The following UGT1A9 variants were observed in gnomAD, a reference collection of about 807,000 sequenced individuals.
The protein encoded by UGT1A9 is UDP-glucuronosyltransferase 1A9.
UGT1A9 carries 35 observed loss-of-function variants against 45.0 expected under a neutral mutation model. The observed-to-expected ratio is 0.78, with a 90% CI of 0.59 to 1.03. UGT1A9 has a LOEUF of 1.03. Among genes scored for constraint, UGT1A9 ranks in the 50% least tolerant of loss-of-function variants. The probability of loss-of-function intolerance (pLI) is 0.00; values close to 1 mark genes in which losing one functional copy is unlikely to be tolerated. For missense variants in UGT1A9, 687 were observed against 666.6 expected (o/e 1.03, Z -0.34); for synonymous variants, 278 against 250.6 (o/e 1.11, Z -1.03).
chr2:233,744,032 T>C, intron 1 of UGT1A9: 1 of 835,228 alleles, frequency 1.2e-6, no homozygotes, highest in African/African-American at 1.8e-5. Context: ...ACGCCCCTTA[T>C]GACGCAGCCA....
chr2:233,695,150 A>G (rs1323101502), intron 1 of UGT1A9, among the ~76,000 whole-genome samples: 1 of 73,630 alleles, frequency 1.4e-5, no homozygotes, highest in African/African-American at 5.6e-5. Flanking sequence ...TTTTTGAGAC[A>G]GAGTCTCACT....
intron 1 of UGT1A9, among the ~76,000 whole-genome samples, chr2:233,737,749 T>C (rs1235645192): frequency 6.6e-6 from 1 of 152,308 alleles, no homozygotes; most frequent in South Asian, 2.1e-4. Context: ...CTTCCAGTTT[T>C]TCAATGTGAA....
rs377204506 is a variant in UGT1A9 at position 233,718,901 on chromosome 2, G to C, written c.855+46112G>C. ...TCCTCAGTGTCCAGCCCTGGGCTGAGAGTGGAAAGGTGTTGGTGGTGCCCA... is the reference window on the plus strand; with the variant it reads ...TCCTCAGTGTCCAGCCCTGGGCTGACAGTGGAAAGGTGTTGGTGGTGCCCA... On this transcript the variant is annotated intron_variant, in intron 1 of 4. Transcript: ENST00000354728. 43 of 1,613,936 alleles carry C rather than the reference G, an allele frequency of 2.7e-5. No individual in the cohort carries two copies. Among genetic ancestry groups the C allele is most frequent in the Non-Finnish European group, 3.6e-5 (43 of 1,179,928 alleles).
At chr2:233,700,549 G>A (rs563571218) in intron 1 of UGT1A9, among the ~76,000 whole-genome samples, 28 of 151,836 alleles carry the variant, frequency 1.8e-4, no homozygotes, top group African/African-American at 6.3e-4. Flanking sequence ...GAGAATAAGG[G>A]GTTATAAAAA....
At chr2:233,740,833 TA>T (rs1691486291) in intron 1 of UGT1A9, 1 of 151,930 alleles carries the variant, frequency 6.6e-6, no homozygotes. Context: ...TGAGACATTT[TA>T]AAAGGAGATT....
chr2:233,689,772 G>T (rs954831614), intron 1 of UGT1A9: 2 of 320,366 alleles, frequency 6.2e-6, no homozygotes, highest in East Asian at 1.0e-4. Context: ...ACAACTCGGG[G>T]ACATATGTTA....
At chr2:233,697,854 T>A (rs1429230679) in intron 1 of UGT1A9, among the ~76,000 whole-genome samples, 1 of 152,198 alleles carries the variant, frequency 6.6e-6, no homozygotes, top group Non-Finnish European at 1.5e-5. Flanking sequence ...TAAGCAAAAG[T>A]TATGCATTTA....
rs1343338419 is a variant in UGT1A9, at chr2:233,702,269, GC to G, written c.855+29481del. Among the ~76,000 whole-genome samples the G allele has an allele frequency of 3.3e-5, 5 of 152,172 alleles. No homozygotes were observed. In the South Asian group the frequency reaches 8.3e-4, roughly 25 times the overall value. Reference sequence around the variant, plus strand: ...ATTCCATTCACAAAATACATGAATAGCTTTTTCCCTTTAGCATAAAGAGTTT... The same window carrying G: ...ATTCCATTCACAAAATACATGAATAGTTTTTCCCTTTAGCATAAAGAGTTT... On this transcript the variant is annotated intron_variant, in intron 1 of 4. Transcript: ENST00000354728.
intron 1 of UGT1A9, among the ~76,000 whole-genome samples, chr2:233,745,381 C>G (rs1382208819): frequency 6.6e-6 from 1 of 151,782 alleles, no homozygotes; most frequent in Admixed American, 6.6e-5. Flanking sequence ...TTCTCTTCAC[C>G]TCCTTATTCT....
chr2:233,724,904 G>C (rs1208234337), intron 1 of UGT1A9, among the ~76,000 whole-genome samples: 2 of 139,120 alleles, frequency 1.4e-5, no homozygotes. Context: ...TCCAGCCTGG[G>C]CACCATTGAG....
At chr2:233,695,195 A>G (rs773449261) in intron 1 of UGT1A9, among the ~76,000 whole-genome samples, 1 of 145,992 alleles carries the variant, frequency 6.8e-6, no homozygotes, top group Non-Finnish European at 1.5e-5. Flanking sequence ...GTGCGATCTC[A>G]GCCCACTGCA....
At chr2:233,690,059 C>T (rs1172653804) in intron 1 of UGT1A9, among the ~76,000 whole-genome samples, 5 of 152,156 alleles carry the variant, frequency 3.3e-5, no homozygotes, top group African/African-American at 1.2e-4. Context: ...CTTCTGCAGC[C>T]CCACCTCACA....
chr2:233,765,844 C>G (rs997504549), intron 1 of UGT1A9, among the ~76,000 whole-genome samples: 1 of 152,044 alleles, frequency 6.6e-6, no homozygotes, highest in African/African-American at 2.4e-5. Flanking sequence ...TTCCTTGTCC[C>G]CCTCACAGAG....
chr2:233,695,209 T>C (rs1676135359), intron 1 of UGT1A9, among the ~76,000 whole-genome samples: 1 of 148,008 alleles, frequency 6.8e-6, no homozygotes, highest in South Asian at 2.2e-4. Flanking sequence ...CACTGCAACC[T>C]CCACCTCCTG....
At chr2:233,767,657 C>T (rs1486356449) in intron 2 of UGT1A9, among the ~76,000 whole-genome samples, 192 bp from the exon 3 acceptor site, 2 of 152,174 alleles carry the variant, frequency 1.3e-5, no homozygotes, top group Non-Finnish European at 2.9e-5. Flanking sequence ...AGTGCATACA[C>T]CCTTGTAACT....
At chr2:233,724,307 C>CCCGGACGGGGCGGCTGG (rs2077215431) in intron 1 of UGT1A9, among the ~76,000 whole-genome samples, 2 of 146,974 alleles carry the variant, frequency 1.4e-5, no homozygotes, top group African/African-American at 5.0e-5. Context: ...CCACCTCCCT[C>CCCGGACGGGGCGGCTGG]CCGGACGGGG....
chr2:233,678,321 G>C (rs1158260801), intron 1 of UGT1A9, among the ~76,000 whole-genome samples: 1 of 152,140 alleles, frequency 6.6e-6, no homozygotes, highest in African/African-American at 2.4e-5. Context: ...AGTTGAGTAT[G>C]TATAAGAGGA....
chr2:233,756,919 A>G (rs1444597051), intron 1 of UGT1A9, among the ~76,000 whole-genome samples: 2 of 152,130 alleles, frequency 1.3e-5, no homozygotes. Flanking sequence ...CTGAGTTTAT[A>G]TAACCTCTAG....
intron 1 of UGT1A9, among the ~76,000 whole-genome samples, chr2:233,736,870 C>T (rs1044494188): frequency 6.6e-6 from 1 of 152,190 alleles, no homozygotes; most frequent in African/African-American, 2.4e-5. Context: ...GCAAATATTG[C>T]AGAACAGCAA....
Sources: allele counts gnomAD v4.1 joint callset (sites outside exome capture counted in the v4.1 genomes callset), GRCh38; gene constraint gnomAD v4.1.1; transcripts MANE v1.5; gene names NCBI Gene and HGNC (gene_info 2026-07-23, HGNC 2026-07-21).